Variants in WDPCP observed in about 807,000 individuals in gnomAD.
WDPCP encodes the protein WD repeat containing planar cell polarity effector.
A neutral mutation model predicts 93.1 loss-of-function variants in WDPCP; 71 were observed. That is an observed-to-expected ratio of 0.76 (90% CI 0.63 to 0.93). WDPCP has a LOEUF of 0.93. WDPCP is among the 40% of genes least tolerant of loss of function. The pLI is 0.00. For missense variants in WDPCP, 844 were observed against 887.4 expected (o/e 0.95, Z 0.62); for synonymous variants, 315 against 315.0 (o/e 1.00, Z 0.00).
intron 1 of WDPCP, among the ~76,000 whole-genome samples, chr2:63,523,654 G>A (rs1449280600): frequency 6.6e-6 from 1 of 152,226 alleles, no homozygotes; most frequent in East Asian, 1.9e-4. Flanking sequence ...GCTCACACCT[G>A]TAATCCCAGC....
At chr2:63,446,918 A>G (rs1447292510) in intron 6 of WDPCP, among the ~76,000 whole-genome samples, 1 of 152,242 alleles carries the variant, frequency 6.6e-6, no homozygotes, top group African/African-American at 2.4e-5. Context: ...GAAATGAGCA[A>G]TGTCTATGAT....
chr2:63,702,538 C>CGTT (rs113966498), intron 2 of WDPCP, among the ~76,000 whole-genome samples: 1 of 147,174 alleles, frequency 6.8e-6, no homozygotes, highest in African/African-American at 2.5e-5. Context: ...GCTACCCATT[C>CGTT]TTTTTTTTTT....
At chr2:63,621,826 C>T (rs1709740580) in intron 3 of WDPCP, among the ~76,000 whole-genome samples, 1 of 151,804 alleles carries the variant, frequency 6.6e-6, no homozygotes, top group African/African-American at 2.4e-5. Flanking sequence ...AGTGGATCTG[C>T]TTGCAGAAAC....
chr2:63,499,381 C>T (rs1701410299), intron 1 of WDPCP, among the ~76,000 whole-genome samples: 1 of 152,136 alleles, frequency 6.6e-6, no homozygotes, highest in Admixed American at 6.5e-5. Flanking sequence ...TTGCCAAGCT[C>T]AGGAATTAGG....
rs182255146 is a variant in WDPCP at position 63,574,012 on chromosome 2, C to A, written c.75+14185G>T. ...GTCAGACTGGTTGTCTGCTCTTAAA[C>A]CCTGTCTCCTGATAAGATGTTATCA... On this transcript the variant is annotated intron_variant, in intron 1 of 17. Transcript: ENST00000272321. Among the ~76,000 whole-genome samples the A allele has an allele frequency of 9.7e-4, 148 of 152,268 alleles. 3 individuals carry two copies. The East Asian group carries it at 0.017, about 18-fold the overall frequency.
At chr2:63,363,152 A>G (rs896316688) in intron 12 of WDPCP, among the ~76,000 whole-genome samples, 4 of 152,166 alleles carry the variant, frequency 2.6e-5, no homozygotes, top group Non-Finnish European at 5.9e-5. Context: ...CAAGAAGCAC[A>G]AAGATGGAAA....
At chr2:63,530,129 G>A (rs566787931) in intron 1 of WDPCP, among the ~76,000 whole-genome samples, 2 of 152,178 alleles carry the variant, frequency 1.3e-5, no homozygotes, top group East Asian at 3.9e-4. Flanking sequence ...TATCAAGTTT[G>A]TTGATCTTTT....
At chr2:63,145,902 C>G (rs1339024242) in intron 17 of WDPCP, among the ~76,000 whole-genome samples, 1 of 152,066 alleles carries the variant, frequency 6.6e-6, no homozygotes. Context: ...TTTTGTAGTT[C>G]TCATTGTAGA....
intron 12 of WDPCP, among the ~76,000 whole-genome samples, chr2:63,366,341 T>A (rs1399040518): frequency 6.6e-6 from 1 of 151,890 alleles, no homozygotes; most frequent in African/African-American, 2.4e-5. Context: ...TAATTGATCT[T>A]GTTAGAAATT....
intron 14 of WDPCP, among the ~76,000 whole-genome samples, chr2:63,245,996 G>A (rs911858522): frequency 4.7e-4 from 72 of 152,152 alleles, no homozygotes; most frequent in African/African-American, 1.7e-3. Flanking sequence ...ATTCACTGAC[G>A]AGTTCACTAA....
In WDPCP at chr2:63,733,360, C is replaced by T. The variant is rs889479022; in HGVS notation, n.308+80262G>A. ...GACTACAGGTGCCCGCCACCGCGCCCGGCTAATTTTTTGTATTTTTTTTAG... is the reference window on the plus strand; with the variant it reads ...GACTACAGGTGCCCGCCACCGCGCCTGGCTAATTTTTTGTATTTTTTTTAG... On this transcript the variant is annotated intron_variant and non_coding_transcript_variant, in intron 2 of 4. Coordinates refer to the WDPCP transcript ENST00000467687. Among the ~76,000 whole-genome samples, 28 of 149,288 alleles carry T rather than the reference C, an allele frequency of 1.9e-4. No individual in the cohort carries two copies. In the East Asian group the frequency reaches 2.1e-3, roughly 11 times the overall value.
At chr2:63,722,689 G>A (rs1361943539) in intron 2 of WDPCP, among the ~76,000 whole-genome samples, 1 of 137,040 alleles carries the variant, frequency 7.3e-6, no homozygotes, top group African/African-American at 2.8e-5. Context: ...CCGGCCAGCC[G>A]CCCCGTCCGG....
At chr2:63,671,897 G>A (rs1278006732) in intron 2 of WDPCP, among the ~76,000 whole-genome samples, 1 of 151,902 alleles carries the variant, frequency 6.6e-6, no homozygotes, top group East Asian at 1.9e-4. Context: ...TAAACACTTC[G>A]GTGACCTGGC....
At chr2:63,537,302 T>G (rs1704363020) in intron 1 of WDPCP, among the ~76,000 whole-genome samples, 1 of 152,262 alleles carries the variant, frequency 6.6e-6, no homozygotes, top group African/African-American at 2.4e-5. Flanking sequence ...CATCATAGTT[T>G]ATGCTGATAA....
intron 11 of WDPCP, among the ~76,000 whole-genome samples, chr2:63,379,719 T>A (rs1692143098): frequency 6.6e-6 from 1 of 152,078 alleles, no homozygotes; most frequent in African/African-American, 2.4e-5. Flanking sequence ...ATAACTACAA[T>A]ACGGCTACAA....
At chr2:63,600,583 G>T (rs1032445419) in intron 3 of WDPCP, among the ~76,000 whole-genome samples, 2 of 152,172 alleles carry the variant, frequency 1.3e-5, no homozygotes, top group Non-Finnish European at 2.9e-5. Context: ...CCCTTAGCAT[G>T]GTGCCTGCAC....
intron 7 of WDPCP, chr2:63,438,003 A>C (rs1273480587): frequency 3.1e-6 from 4 of 1,301,008 alleles, no homozygotes. Context: ...TTATTTAAAA[A>C]ATTTTCATCA....
chr2:63,357,721 A>G (rs561171225), intron 12 of WDPCP, among the ~76,000 whole-genome samples: 1 of 152,180 alleles, frequency 6.6e-6, no homozygotes, highest in Non-Finnish European at 1.5e-5. Context: ...AGCTAAAAGG[A>G]GAACTACCAT....
At chr2:63,161,909 A>G (rs148064667) in intron 15 of WDPCP, among the ~76,000 whole-genome samples, 2,991 of 152,110 alleles carry the variant, frequency 0.02, 103 homozygotes, top group African/African-American at 0.069. Flanking sequence ...GACTGCAGGC[A>G]TGTGCCACCA....
Sources: allele counts gnomAD v4.1 joint callset (sites outside exome capture counted in the v4.1 genomes callset), GRCh38; gene constraint gnomAD v4.1.1; transcripts MANE v1.5; gene names NCBI Gene and HGNC (gene_info 2026-07-23, HGNC 2026-07-21).